The following NRXN3 variants were observed in gnomAD, a reference collection of about 807,000 sequenced individuals.
NRXN3 encodes the protein neurexin III.
Under a neutral mutation model 137.6 loss-of-function variants are expected in NRXN3, and 32 were observed. The ratio of observed to expected loss-of-function variants is 0.23; its 90% CI spans 0.18 to 0.31. The LOEUF (loss-of-function observed/expected upper bound fraction) is 0.31. Among genes scored for constraint, NRXN3 ranks in the 10% least tolerant of loss-of-function variants. The probability of loss-of-function intolerance (pLI) is 1.00; values close to 1 mark genes in which losing one functional copy is unlikely to be tolerated. For synonymous variants in NRXN3, 798 were observed against 784.5 expected (o/e 1.02, Z -0.29); for missense variants, 1,574 against 2,062.5 (o/e 0.76, Z 4.59).
intron 17 of NRXN3, among the ~76,000 whole-genome samples, chr14:79,689,131 TC>T (rs2098706606): frequency 6.6e-6 from 1 of 152,112 alleles, no homozygotes; most frequent in African/African-American, 2.4e-5. Context: ...ATAGGGCCAT[TC>T]TTTCTTGAGT....
intron 15 of NRXN3, among the ~76,000 whole-genome samples, chr14:79,269,799 G>GA (rs202155453): frequency 1.5e-3 from 233 of 150,628 alleles, no homozygotes; most frequent in Admixed American, 4.6e-3. Flanking sequence ...TGCTAGTGGA[G>GA]AAAAAAAAAT....
chr14:78,969,368 A>AAACT (rs2099429766), intron 14 of NRXN3, among the ~76,000 whole-genome samples: 1 of 152,252 alleles, frequency 6.6e-6, no homozygotes, highest in African/African-American at 2.4e-5. Context: ...GGTTGGCTGA[A>AAACT]AACGTGACTG....
intron 4 of NRXN3, among the ~76,000 whole-genome samples, chr14:78,327,681 A>G (rs2080270724): frequency 6.6e-6 from 1 of 152,198 alleles, no homozygotes; most frequent in Non-Finnish European, 1.5e-5. Context: ...TACTGGGCAT[A>G]TAGCAGTGAG....
At chr14:79,101,984 T>C (rs1024584298) in intron 15 of NRXN3, among the ~76,000 whole-genome samples, 1 of 152,000 alleles carries the variant, frequency 6.6e-6, no homozygotes, top group African/African-American at 2.4e-5. Context: ...GAGTGATGCA[T>C]CTACAAGCCA....
intron 19 of NRXN3, among the ~76,000 whole-genome samples, chr14:79,753,938 A>G (rs2099008350): frequency 1.3e-5 from 2 of 152,148 alleles, no homozygotes; most frequent in South Asian, 2.1e-4. Flanking sequence ...AAAACACAGT[A>G]TAACAGCCAT....
chr14:79,245,043 G>A (rs1324239875), intron 15 of NRXN3, among the ~76,000 whole-genome samples: 4 of 152,132 alleles, frequency 2.6e-5, no homozygotes, highest in Non-Finnish European at 5.9e-5. Context: ...TCTCCAGCCT[G>A]CGAGTTCTTT....
At chr14:78,421,368 G>C (rs1005173686) in intron 4 of NRXN3, among the ~76,000 whole-genome samples, 1 of 151,932 alleles carries the variant, frequency 6.6e-6, no homozygotes, top group Non-Finnish European at 1.5e-5. Context: ...ATAAAATAGC[G>C]ACCAGTTAAA....
intron 14 of NRXN3, among the ~76,000 whole-genome samples, chr14:78,981,855 A>C (rs2099490294): frequency 6.6e-6 from 1 of 152,236 alleles, no homozygotes; most frequent in Non-Finnish European, 1.5e-5. Context: ...TGAAATGCAT[A>C]CATTAAATAC....
intron 16 of NRXN3, among the ~76,000 whole-genome samples, chr14:79,498,992 T>G (rs1080129): frequency 6.6e-6 from 1 of 151,986 alleles, no homozygotes; most frequent in Non-Finnish European, 1.5e-5. Context: ...ACTATGTTGC[T>G]CAGGGTGGTC....
intron 15 of NRXN3, among the ~76,000 whole-genome samples, chr14:79,136,306 A>G (rs1596360621): frequency 6.6e-6 from 1 of 152,188 alleles, no homozygotes; most frequent in African/African-American, 2.4e-5. Context: ...TTTCAACCAA[A>G]CAGGACTAGG....
At chr14:78,256,662 T>G (rs1483226359) in intron 2 of NRXN3, among the ~76,000 whole-genome samples, 1 of 152,258 alleles carries the variant, frequency 6.6e-6, no homozygotes, top group Non-Finnish European at 1.5e-5. Flanking sequence ...CTTCATTGAT[T>G]AATTTGTTCA....
At chr14:78,416,621 G>A (rs766785125) in intron 4 of NRXN3, among the ~76,000 whole-genome samples, 4 of 152,190 alleles carry the variant, frequency 2.6e-5, no homozygotes, top group Admixed American at 2.0e-4. Context: ...GAAAGTGACC[G>A]TATTGTATTT....
At chr14:79,503,172 A>G (rs1223518256) in intron 16 of NRXN3, among the ~76,000 whole-genome samples, 1 of 151,964 alleles carries the variant, frequency 6.6e-6, no homozygotes, top group Non-Finnish European at 1.5e-5. Flanking sequence ...GTTTTATTAT[A>G]TCTAGTTTAA....
intron 15 of NRXN3, among the ~76,000 whole-genome samples, chr14:79,422,436 C>T (rs1455757273): frequency 1.3e-5 from 2 of 152,114 alleles, no homozygotes; most frequent in African/African-American, 2.4e-5. Context: ...TTTTGATGTT[C>T]ACTACCTTCA....
At chr14:79,536,422 AT>A (rs35712324) in intron 16 of NRXN3, among the ~76,000 whole-genome samples, 26,555 of 149,842 alleles carry the variant, frequency 0.18, 2,498 homozygotes, top group Middle Eastern at 0.29. Context: ...TGGTCACAAC[AT>A]TTTTTTTTTA....
chr14:79,816,092 A>G (rs2099250607), intron 20 of NRXN3, among the ~76,000 whole-genome samples: 2 of 152,184 alleles, frequency 1.3e-5, no homozygotes, highest in South Asian at 2.1e-4. Flanking sequence ...TTTTATTTAA[A>G]TCTCATTTTA....
In NRXN3 at chr14:79,470,860, A is replaced by ATGTG. The variant is rs371884980; in HGVS notation, c.3444+3469_3444+3472dup. On this transcript the variant is annotated intron_variant, in intron 16 of 20. Coordinates refer to ENST00000335750, the MANE Select transcript of NRXN3 (RefSeq NM_001330195.2). ...ACTCCAAAATTAGCCAGCGGTGTAT[A>ATGTG]TGTGTGTGTGTGTGAGAGAGAGAGA... is the stretch of plus-strand genomic sequence containing the variant. 0.015 allele frequency among the ~76,000 whole-genome samples: 2,208 copies of ATGTG among 146,460 alleles called. 93 individuals carry two copies. In the East Asian group the frequency reaches 0.17, roughly 11 times the overall value.
At chr14:78,958,635 G>A (rs536608809) in intron 11 of NRXN3, among the ~76,000 whole-genome samples, 3 of 152,302 alleles carry the variant, frequency 2.0e-5, no homozygotes, top group Admixed American at 6.5e-5. Flanking sequence ...GATTACAGGC[G>A]TGAGCCATCG....
chr14:79,785,720 T>G (rs868756440), intron 19 of NRXN3, among the ~76,000 whole-genome samples: 7 of 152,128 alleles, frequency 4.6e-5, no homozygotes, highest in Non-Finnish European at 5.9e-5. Context: ...CCCAAAGCAT[T>G]AGCTCCAAAA....
Sources: allele counts gnomAD v4.1 joint callset (sites outside exome capture counted in the v4.1 genomes callset), GRCh38; gene constraint gnomAD v4.1.1; transcripts MANE v1.5; gene names NCBI Gene and HGNC (gene_info 2026-07-23, HGNC 2026-07-21).